The following SLC13A1 variants were observed in gnomAD, a reference collection of about 807,000 sequenced individuals.
SLC13A1 encodes solute carrier family 13 member 1, also known as Na(+)/sulfate cotransporter.
SLC13A1 carries 65 observed loss-of-function variants against 70.0 expected under a neutral mutation model. The observed-to-expected ratio is 0.93, with a 90% CI of 0.76 to 1.14. SLC13A1 has a LOEUF of 1.14. Ranked by LOEUF, SLC13A1 falls within the 50% of genes most tolerant of loss-of-function variation. The probability of loss-of-function intolerance (pLI) is 0.00; values close to 1 mark genes in which losing one functional copy is unlikely to be tolerated. For synonymous variants in SLC13A1, 275 were observed against 250.5 expected, an observed-to-expected ratio of 1.10 and a Z score of -0.92; for missense variants, 726 against 717.8, an observed-to-expected ratio of 1.01 and a Z score of -0.13.
intron 2 of SLC13A1, among the ~76,000 whole-genome samples, chr7:123,176,042 A>G (rs953753417): frequency 6.6e-6 from 1 of 152,232 alleles, no homozygotes; most frequent in Non-Finnish European, 1.5e-5. Flanking sequence ...TCAATGAATG[A>G]CTATGGATTT....
At chr7:123,140,013 G>GT (rs1262105072) in intron 7 of SLC13A1, among the ~76,000 whole-genome samples, 1 of 151,738 alleles carries the variant, frequency 6.6e-6, no homozygotes, top group Non-Finnish European at 1.5e-5. Flanking sequence ...AAATCTTTCG[G>GT]TTTTTTTACC....
chr7:123,163,369 T>C (rs1038570098), intron 6 of SLC13A1, among the ~76,000 whole-genome samples: 3 of 152,086 alleles, frequency 2.0e-5, no homozygotes, highest in Admixed American at 6.6e-5. Flanking sequence ...GAGAGCTCAG[T>C]TAGTATTTGG....
At position 123,134,393 on chromosome 7, in the gene SLC13A1, A is replaced by G. The variant is rs28364199; in HGVS notation, c.932+17T>C. On this transcript the variant is annotated intron_variant, in intron 8 of 14. Coordinates refer to ENST00000194130, the MANE Select transcript of SLC13A1 (RefSeq NM_022444.4). The stretch of plus-strand genomic sequence containing the variant: ...AGACACCTTTATTTAGCCTATTAAC[A>G]TGAAATATTTACTTACTTGAATCCT... 4.5e-4 allele frequency: 717 copies of G among 1,610,570 alleles called. 5 individuals are homozygous for G. In the African/African-American group the frequency reaches 8.5e-3, roughly 19 times the overall value.
At chr7:123,119,812 C>T (rs1490057639) in intron 12 of SLC13A1, among the ~76,000 whole-genome samples, 1 of 151,854 alleles carries the variant, frequency 6.6e-6, no homozygotes, top group African/African-American at 2.4e-5. Flanking sequence ...TTCATTCCCC[C>T]ACATTCATAT....
chr7:123,173,083 A>G (rs1215003956), intron 2 of SLC13A1, among the ~76,000 whole-genome samples: 1 of 152,208 alleles, frequency 6.6e-6, no homozygotes, highest in Non-Finnish European at 1.5e-5. Flanking sequence ...AAAGAGGATT[A>G]TAAGAGTAAA....
intron 2 of SLC13A1, 58 bp from the exon 3 acceptor site, chr7:123,171,962 C>T: frequency 1.3e-6 from 2 of 1,501,078 alleles, no homozygotes; most frequent in Non-Finnish European, 1.8e-6. Context: ...TAACATTGCA[C>T]AAGAAAGACA....
chr7:123,139,652 G>C (rs571837105), intron 7 of SLC13A1, among the ~76,000 whole-genome samples: 26 of 151,660 alleles, frequency 1.7e-4, no homozygotes, highest in African/African-American at 6.3e-4. Flanking sequence ...TAATTCTTAG[G>C]TACTTAGTTT....
At chr7:123,125,927 C>G (rs923014563) in intron 10 of SLC13A1, among the ~76,000 whole-genome samples, 6 of 152,180 alleles carry the variant, frequency 3.9e-5, no homozygotes, top group African/African-American at 1.4e-4. Flanking sequence ...CACGTATACA[C>G]ATGCTGACAT....
At chr7:123,167,526 T>A (rs1795115980) in intron 6 of SLC13A1, among the ~76,000 whole-genome samples, 1 of 152,192 alleles carries the variant, frequency 6.6e-6, no homozygotes, top group Admixed American at 6.5e-5. Context: ...GAAATATATG[T>A]CCCACTTTCC....
chr7:123,129,532 C>A, intron 8 of SLC13A1, 51 bp from the exon 9 acceptor site: 1 of 1,339,988 alleles, frequency 7.5e-7, no homozygotes. Flanking sequence ...ACTACCACCT[C>A]CCTGTAAGGA....
chr7:123,180,880 C>A, intron 2 of SLC13A1, 93 bp downstream of exon 2: 1 of 1,365,778 alleles, frequency 7.3e-7, no homozygotes, highest in Non-Finnish European at 1.0e-6. Flanking sequence ...ACCTTACCAA[C>A]GAGATGATTG....
chr7:123,173,186 A>G (rs1795330270), intron 2 of SLC13A1, among the ~76,000 whole-genome samples: 1 of 152,152 alleles, frequency 6.6e-6, no homozygotes, highest in Non-Finnish European at 1.5e-5. Context: ...AAAAAGGAAA[A>G]TCAATTCTTA....
At chr7:123,155,140 A>G (rs1265466157) in intron 6 of SLC13A1, among the ~76,000 whole-genome samples, 1 of 152,014 alleles carries the variant, frequency 6.6e-6, no homozygotes, top group African/African-American at 2.4e-5. Context: ...TGCTTCATTC[A>G]TTTTGATGAC....
chr7:123,182,630 A>C (rs2116624042), intron 1 of SLC13A1, among the ~76,000 whole-genome samples: 1 of 152,218 alleles, frequency 6.6e-6, no homozygotes, highest in South Asian at 2.1e-4. Flanking sequence ...TAAAACATCA[A>C]AAAATAAATA....
Position 123,115,649 on chromosome 7 carries a change from C to A in SLC13A1, c.1657G>T (p.Ala553Ser). The change falls in exon 15 of 15, where the codon GCT becomes TCT. Residue 553 changes from alanine (A) to serine (S), a missense_variant. Transcript: ENST00000194130. ...GHLKVIDMVK[A>S]GLGVNIVGVA... ...CCAACAATGTTGACACCAAGTCCAG[C>A]TTTAACCTTGAACAGGAAAGAGCAT... The A allele has an allele frequency of 6.2e-7, 1 of 1,613,668 alleles. No individual in the cohort carries two copies. The highest frequency in any genetic ancestry group is 8.5e-7 in the Non-Finnish European group (1 of 1,179,668).
intron 6 of SLC13A1, among the ~76,000 whole-genome samples, chr7:123,157,618 T>C (rs1247712123): frequency 2.0e-5 from 3 of 152,046 alleles, no homozygotes; most frequent in African/African-American, 7.2e-5. Context: ...AAAACCTTGC[T>C]CTTTCTAGTT....
In SLC13A1 at chr7:123,159,388, C is replaced by T. The variant is rs77148306; in HGVS notation, c.660+8986G>A. Among the ~76,000 whole-genome samples, 90 of 152,234 alleles carry T rather than the reference C, an allele frequency of 5.9e-4. 1 individual carries two copies. The East Asian group carries it at 0.017, about 28-fold the overall frequency. On this transcript the variant is annotated intron_variant, in intron 6 of 14. Transcript: ENST00000194130. ...AAAGAGCAAAAGGGACCAGAAATCC[C>T]TCTTTCTACTGCATGTGCACAGAGA... is the stretch of plus-strand genomic sequence containing the variant.
At chr7:123,147,966 G>C (rs924754162) in intron 6 of SLC13A1, among the ~76,000 whole-genome samples, 9 of 151,946 alleles carry the variant, frequency 5.9e-5, no homozygotes, top group African/African-American at 1.2e-4. Context: ...TCTTTAAGAA[G>C]GGTTTCCCCA....
At chr7:123,129,081 G>A in intron 9 of SLC13A1, 135 bp from the exon 10 acceptor site, 2 of 718,740 alleles carry the variant, frequency 2.8e-6, no homozygotes, top group East Asian at 2.7e-5. Context: ...AATAATTTGA[G>A]AGCATCAGTG....
Sources: gnomAD v4.1 joint callset for allele counts (sites outside exome capture counted in the v4.1 genomes callset) on GRCh38, gnomAD v4.1.1 for gene constraint, MANE v1.5 for transcripts, NCBI Gene and HGNC (gene_info 2026-07-23, HGNC 2026-07-21) for gene names.